MCPH1: variants seen among roughly 807,000 people sequenced by gnomAD.
MCPH1 encodes microcephalin.
MCPH1 carries 104 observed loss-of-function variants against 84.5 expected under a neutral mutation model. The observed-to-expected ratio is 1.23, with a 90% CI of 1.05 to 1.45. The LOEUF is 1.45. Among genes scored for constraint, MCPH1 ranks in the 40% most tolerant of loss-of-function variants. The pLI is 0.00. For missense variants in MCPH1, 1,498 were observed against 1,005.7 expected (o/e 1.49, Z -6.62); for synonymous variants, 514 against 366.8 (o/e 1.40, Z -4.58).
chr8:6,474,192 C>G, intron 9 of MCPH1: 3 of 713,948 alleles, frequency 4.2e-6, no homozygotes, highest in East Asian at 2.5e-5. Flanking sequence ...CTGTCTTCAT[C>G]TAAAATGGGA....
chr8:6,566,449 G>A (rs1452204039), intron 12 of MCPH1, among the ~76,000 whole-genome samples: 1 of 152,222 alleles, frequency 6.6e-6, no homozygotes, highest in African/African-American at 2.4e-5. Flanking sequence ...TGGCGAGCAA[G>A]GCTATTGACA....
intron 11 of MCPH1, among the ~76,000 whole-genome samples, chr8:6,487,299 A>C (rs922868645): frequency 1.3e-5 from 2 of 152,244 alleles, no homozygotes; most frequent in Admixed American, 6.5e-5. Context: ...CATTGAACTT[A>C]GTAAGCAGTG....
At chr8:6,478,816 C>T (rs1284293745) in intron 10 of MCPH1, among the ~76,000 whole-genome samples, 1 of 152,106 alleles carries the variant, frequency 6.6e-6, no homozygotes, top group Non-Finnish European at 1.5e-5. Context: ...CACACATTCT[C>T]GGGTTGAAGT....
At chr8:6,563,647 C>G (rs1023398342) in intron 12 of MCPH1, among the ~76,000 whole-genome samples, 1 of 152,168 alleles carries the variant, frequency 6.6e-6, no homozygotes, top group Non-Finnish European at 1.5e-5. Flanking sequence ...TAGGTCAGGA[C>G]TTCGGTTTAT....
Position 6,621,488 on chromosome 8 carries a change from C to A in MCPH1, c.2249C>A (p.Pro750Gln), listed in dbSNP as rs765181940. ...AGCGAGTGCCACTTGTCTGCAGGGC[C>A]GTACCGCGGAACCCTCTTTGCCGAC... ...CRSECHLSAG[P>Q]YRGTLFADQP... The change falls in exon 13 of 14, where the codon CCG (proline) becomes CAG (glutamine). Residue 750 changes from proline (P) to glutamine (Q), a missense_variant. Coordinates refer to ENST00000344683, the MANE Select transcript of MCPH1 (RefSeq NM_024596.5). 8 of 1,614,004 alleles carry A rather than the reference C, an allele frequency of 5.0e-6. No individual in the cohort carries two copies. Among genetic ancestry groups the A allele is most frequent in the African/African-American group, 4.0e-5 (3 of 74,932 alleles).
intron 11 of MCPH1, among the ~76,000 whole-genome samples, chr8:6,483,914 T>C (rs184122238): frequency 1.1e-3 from 161 of 152,180 alleles, no homozygotes; most frequent in Non-Finnish European, 1.8e-3. Flanking sequence ...CCTCATTCTA[T>C]ACCTTACACG....
intron 12 of MCPH1, among the ~76,000 whole-genome samples, chr8:6,510,842 T>G (rs1202638047): frequency 1.3e-5 from 2 of 152,208 alleles, no homozygotes; most frequent in African/African-American, 4.8e-5. Context: ...CCCTAGAAAC[T>G]TCATCCTAAG....
intron 2 of MCPH1, among the ~76,000 whole-genome samples, chr8:6,412,204 T>A (rs73661722): frequency 0.011 from 1,631 of 152,200 alleles, 29 homozygotes; most frequent in African/African-American, 0.038. Flanking sequence ...AGGGGAGACA[T>A]GCCCACTGTA....
chr8:6,436,224 A>G (rs1802618249), intron 5 of MCPH1, 62 bp downstream of exon 5: 8 of 1,543,906 alleles, frequency 5.2e-6, no homozygotes, highest in Non-Finnish European at 7.1e-6. Flanking sequence ...TTTAATTTGC[A>G]TGATGACTAG....
At chr8:6,476,855 A>G (rs1412836128) in intron 9 of MCPH1, among the ~76,000 whole-genome samples, 1 of 152,220 alleles carries the variant, frequency 6.6e-6, no homozygotes, top group East Asian at 1.9e-4. Flanking sequence ...TTATATATGT[A>G]TATGCATGCA....
chr8:6,608,747 G>A (rs538487891), intron 12 of MCPH1, among the ~76,000 whole-genome samples: 7 of 152,298 alleles, frequency 4.6e-5, no homozygotes, highest in Admixed American at 2.0e-4. Flanking sequence ...CAAACTCCCC[G>A]GGTGACTGCC....
intron 12 of MCPH1, among the ~76,000 whole-genome samples, chr8:6,525,818 A>T (rs1818222842): frequency 6.6e-6 from 1 of 152,170 alleles, no homozygotes; most frequent in South Asian, 2.1e-4. Flanking sequence ...TCTACAGCTG[A>T]TGAGAAAAAG....
At chr8:6,536,987 A>C (rs1291615578) in intron 12 of MCPH1, among the ~76,000 whole-genome samples, 1 of 151,752 alleles carries the variant, frequency 6.6e-6, no homozygotes, top group East Asian at 1.9e-4. Flanking sequence ...AAAAAAAAAA[A>C]AAACCAACCC....
chr8:6,582,003 T>A (rs1171467886), intron 12 of MCPH1, among the ~76,000 whole-genome samples: 1 of 152,140 alleles, frequency 6.6e-6, no homozygotes, highest in African/African-American at 2.4e-5. Flanking sequence ...CCCAGTACTC[T>A]TGCATTGGGG....
chr8:6,567,782 G>A (rs755873592), intron 12 of MCPH1, among the ~76,000 whole-genome samples: 2 of 152,114 alleles, frequency 1.3e-5, no homozygotes, highest in African/African-American at 2.4e-5. Flanking sequence ...CTTGACTAGG[G>A]GGATCTCAGA....
chr8:6,587,577 C>T (rs1351830220), intron 12 of MCPH1, among the ~76,000 whole-genome samples: 1 of 152,174 alleles, frequency 6.6e-6, no homozygotes, highest in East Asian at 1.9e-4. Flanking sequence ...TGATTTTTGG[C>T]ATGGATTTGT....
intron 1 of MCPH1, 62 bp from the exon 2 acceptor site, chr8:6,409,217 T>G (rs954673112): frequency 7.3e-7 from 1 of 1,365,854 alleles, no homozygotes; most frequent in Non-Finnish European, 1.0e-6. Flanking sequence ...TAGAACAAAA[T>G]CTATTGGGCA....
chr8:6,423,946 G>A (rs1800656629), intron 3 of MCPH1, among the ~76,000 whole-genome samples: 1 of 152,092 alleles, frequency 6.6e-6, no homozygotes, highest in Admixed American at 6.5e-5. Flanking sequence ...ATTTTCTTCA[G>A]CAGAGCATAG....
chr8:6,622,732 T>A (rs1831594104), intron 13 of MCPH1, among the ~76,000 whole-genome samples: 1 of 152,194 alleles, frequency 6.6e-6, no homozygotes, highest in African/African-American at 2.4e-5. Context: ...ACGTGGCCTT[T>A]CCTCCATGCA....
Sources: allele counts gnomAD v4.1 joint callset (sites outside exome capture counted in the v4.1 genomes callset), GRCh38; gene constraint gnomAD v4.1.1; transcripts MANE v1.5; gene names NCBI Gene and HGNC (gene_info 2026-07-23, HGNC 2026-07-21).